Variants in ZNF639 observed in about 807,000 individuals in gnomAD.
ZNF639 encodes zinc finger protein 639.
In ZNF639, 20 loss-of-function variants were observed where a neutral mutation model predicts 39.8. The ratio of observed to expected loss-of-function variants is 0.50; its 90% CI spans 0.35 to 0.73. The LOEUF (loss-of-function observed/expected upper bound fraction) is 0.73. ZNF639 is among the 30% of genes least tolerant of loss of function. The pLI is 0.00. For synonymous variants in ZNF639, 176 were observed against 189.8 expected (o/e 0.93, Z 0.60); for missense variants, 477 against 566.2 (o/e 0.84, Z 1.60).
chr3:179,325,577 AAT>A (rs1031052106), intron 1 of ZNF639, among the ~76,000 whole-genome samples: 6 of 152,320 alleles, frequency 3.9e-5, no homozygotes, highest in African/African-American at 1.2e-4. Context: ...GATGAAATAG[AAT>A]AAGGGTTAGG....
rs1327914335 is a variant in ZNF639 at position 179,334,958 on chromosome 3, ACTAT to A, written c.*541_*544del. 2 of 152,246 alleles carry A rather than the reference ACTAT, an allele frequency of 1.3e-5. No individual in the cohort carries two copies. The highest frequency in any genetic ancestry group is 2.9e-5 in the Non-Finnish European group (2 of 68,060). The allele number at this position is 152,246 out of a possible 1,614,324, so 9.4% of individuals were successfully genotyped here. A position where few individuals can be genotyped will look rare whatever the true frequency, so the allele number is the denominator to read the frequency against. On this transcript the variant is annotated 3_prime_UTR_variant, in exon 6 of 6. Coordinates refer to ENST00000496856, the MANE Select transcript of ZNF639 (RefSeq NM_001303426.2). ...TTTTTTAAAAAAAAATTTTTGAGCC[ACTAT>A]CTATTGTTGAATATTTTAAGATGGG...
Position 179,334,126 on chromosome 3 carries a change from A to G in ZNF639, c.1162A>G (p.Asn388Asp), listed in dbSNP as rs761094140. ...TGGTTTTCGGAGTAGACTTCACACAAATGTTAACAGGCATGTTGCTATTGA... is the reference window on the plus strand; with the variant it reads ...TGGTTTTCGGAGTAGACTTCACACAGATGTTAACAGGCATGTTGCTATTGA... ...VCGFRSRLHT[N>D]VNRHVAIEHT... The change falls in exon 6 of 6, where the codon AAT (asparagine) becomes GAT (aspartate). Residue 388 changes from asparagine to aspartate, a missense_variant. Transcript: ENST00000496856. 6.2e-7 allele frequency: 1 copy of G among 1,614,108 alleles called. No individual in the cohort carries two copies. Among genetic ancestry groups the G allele is most frequent in the Non-Finnish European group, 8.5e-7 (1 of 1,179,972 alleles).
rs933842859 is a variant in ZNF639, at chr3:179,335,237, A to G, written c.*815A>G. ...CTCCTGCATAGCTAGGACTACAGGC[A>G]TGTGGCACCATGCCCGCTAAGTTTT... On this transcript the variant is annotated 3_prime_UTR_variant, in exon 6 of 6. Transcript: ENST00000496856. The G allele has an allele frequency of 1.3e-5, 2 of 152,240 alleles. No individual in the cohort carries two copies. Among genetic ancestry groups the G allele is most frequent in the African/African-American group, 4.8e-5 (2 of 41,456 alleles). 9.4% of individuals were successfully genotyped at this position (152,240 alleles called of 1,614,324 possible). A position where few individuals can be genotyped will look rare whatever the true frequency, so the allele number is the denominator to read the frequency against.
chr3:179,329,909 C>CT (rs71181282), intron 4 of ZNF639, 181 bp downstream of exon 4: 38,835 of 205,658 alleles, frequency 0.19, 5,472 homozygotes, highest in Admixed American at 0.23. Flanking sequence ...TTTAACTATT[C>CT]TTTTTTTTTT....
chr3:179,322,988 C>G, upstream of ZNF639: 1 of 985,212 alleles, frequency 1.0e-6, no homozygotes, highest in Non-Finnish European at 1.2e-6. Context: ...GCTCCCTGCC[C>G]CCACCTCACC....
At chr3:179,322,954 G>A (rs1306163422), upstream of ZNF639, 1 of 985,116 alleles carries the variant, frequency 1.0e-6, no homozygotes. Flanking sequence ...CCCAGGCCGC[G>A]TGTGCGGTGC....
chr3:179,336,299 T>C lies in ZNF639; in HGVS notation c.*1877T>C, dbSNP rs1711525213. 1 of 149,842 alleles carries C rather than the reference T, an allele frequency of 6.7e-6. No homozygotes were observed. Among genetic ancestry groups the C allele is most frequent in the African/African-American group, 2.5e-5 (1 of 40,418 alleles). 9.3% of individuals were successfully genotyped at this position (149,842 alleles called of 1,614,324 possible). A position where few individuals can be genotyped will look rare whatever the true frequency, so the allele number is the denominator to read the frequency against. ...TATAAAGAAGATAGAATTATATGTA[T>C]CATTGCCCTCAAATTTAACAAGCAC... On this transcript the variant is annotated 3_prime_UTR_variant, in exon 6 of 6. Coordinates refer to ENST00000496856, the MANE Select transcript of ZNF639 (RefSeq NM_001303426.2).
chr3:179,331,179 C>A (rs920449332), intron 4 of ZNF639, among the ~76,000 whole-genome samples: 2 of 152,168 alleles, frequency 1.3e-5, no homozygotes, highest in African/African-American at 4.8e-5. Context: ...CACACGTCAA[C>A]TTAAAGAGCT....
chr3:179,327,183 T>G (rs781445253), intron 1 of ZNF639, among the ~76,000 whole-genome samples: 1 of 152,000 alleles, frequency 6.6e-6, no homozygotes, highest in African/African-American at 2.4e-5. Context: ...AGAGCAAAAC[T>G]CGGTCTCAAA....
At chr3:179,323,473 C>G (rs924557225) in intron 1 of ZNF639, among the ~76,000 whole-genome samples, 182 bp downstream of exon 1, 1 of 152,206 alleles carries the variant, frequency 6.6e-6, no homozygotes, top group African/African-American at 2.4e-5. Flanking sequence ...AGTTCCACCC[C>G]CTGCGCAGGA....
rs1727376742 is a variant in ZNF639, at chr3:179,323,171, C to G, written c.-203C>G. The G allele has an allele frequency of 1.0e-6, 1 of 984,630 alleles. No individual in the cohort carries two copies. Among genetic ancestry groups the G allele is most frequent in the Non-Finnish European group, 1.2e-6 (1 of 829,722 alleles). The allele number at this position is 984,630 out of a possible 1,614,324, so 61.0% of individuals were successfully genotyped here. A position where few individuals can be genotyped will look rare whatever the true frequency, so the allele number is the denominator to read the frequency against. ...AGCACAGCGTCCGGGAGCGCTAGGG[C>G]CGGAGCAGCGCTGCCCGCCGCCGTG... On this transcript the variant is annotated 5_prime_UTR_variant, in exon 1 of 6. Transcript: ENST00000496856.
Position 179,335,719 on chromosome 3 carries a change from G to A in ZNF639, c.*1297G>A, listed in dbSNP as rs1342023511. 2 of 150,524 alleles carry A rather than the reference G, an allele frequency of 1.3e-5. No homozygotes were observed. The highest frequency in any genetic ancestry group is 2.9e-5 in the Non-Finnish European group (2 of 67,882). 9.3% of individuals were successfully genotyped at this position (150,524 alleles called of 1,614,324 possible). On this transcript the variant is annotated 3_prime_UTR_variant, in exon 6 of 6. Transcript: ENST00000496856. ...TCTGTCCTTGGCTTGTAGATGGATA[G>A]CCTCATGTTCACATGGTGTTCTCCC... is the stretch of plus-strand genomic sequence containing the variant.
Position 179,323,179 on chromosome 3 carries a change from G to T in ZNF639, c.-195G>T. On this transcript the variant is annotated 5_prime_UTR_variant, in exon 1 of 6. Transcript: ENST00000496856. Reference sequence around the variant, plus strand: ...GTCCGGGAGCGCTAGGGCCGGAGCAGCGCTGCCCGCCGCCGTGCGTCCGCG... The same window carrying T: ...GTCCGGGAGCGCTAGGGCCGGAGCATCGCTGCCCGCCGCCGTGCGTCCGCG... 1.0e-6 allele frequency: 1 copy of T among 984,680 alleles called. No individual in the cohort carries two copies. The highest frequency in any genetic ancestry group is 1.7e-5 in the African/African-American group (1 of 57,232). The allele number at this position is 984,680 out of a possible 1,614,324, so 61.0% of individuals were successfully genotyped here. A position where few individuals can be genotyped will look rare whatever the true frequency, so the allele number is the denominator to read the frequency against.
At chr3:179,323,398 C>A (rs1245554924) in intron 1 of ZNF639, 107 bp downstream of exon 1, 2 of 985,042 alleles carry the variant, frequency 2.0e-6, no homozygotes, top group Non-Finnish European at 2.4e-6. Flanking sequence ...CCGGAGCTCC[C>A]TTTATACGGA....
In ZNF639 at chr3:179,333,034, C is replaced by T. The variant is rs1330765443; in HGVS notation, c.215C>T (p.Ala72Val). 3.8e-6 allele frequency: 6 copies of T among 1,559,874 alleles called. No homozygotes were observed. Among genetic ancestry groups the T allele is most frequent in the Non-Finnish European group, 5.2e-6 (6 of 1,150,974 alleles). ...TETSNDLPKF[A>V]DGIKARNRNQ... Reference sequence around the variant, plus strand: ...ACGTCAAATGACTTGCCAAAATTTGCAGATGGAATCAAGGCCAGAAACAGA... The same window carrying T: ...ACGTCAAATGACTTGCCAAAATTTGTAGATGGAATCAAGGCCAGAAACAGA... The change falls in exon 5 of 6, where the codon GCA becomes GTA. Residue 72 changes from alanine (A) to valine (V), a missense_variant. By Grantham distance (64) the Ala-to-Val change is moderately conservative. Transcript: ENST00000496856.
intron 4 of ZNF639, among the ~76,000 whole-genome samples, chr3:179,331,765 A>T (rs6795997): frequency 0.24 from 33,718 of 141,868 alleles, 4,785 homozygotes; most frequent in African/African-American, 0.39. Context: ...ACAAGAGCGA[A>T]ACTCCATCTC....
At chr3:179,328,486 C>G in intron 3 of ZNF639, 135 bp downstream of exon 3, 1 of 546,712 alleles carries the variant, frequency 1.8e-6, no homozygotes, top group South Asian at 2.9e-5. Flanking sequence ...GGTTTAAATA[C>G]ATTATCTGAA....
At position 179,336,277 on chromosome 3, in the gene ZNF639, A is replaced by G. The variant is rs1369248556; in HGVS notation, c.*1855A>G. The G allele has an allele frequency of 6.6e-6, 1 of 152,232 alleles. No individual in the cohort carries two copies. The highest frequency in any genetic ancestry group is 2.4e-5 in the African/African-American group (1 of 41,450). The allele number at this position is 152,232 out of a possible 1,614,324, so 9.4% of individuals were successfully genotyped here. ...GTAGCAGAGTCTGAAACAGCACTAT[A>G]AAGAAGATAGAATTATATGTATCAT... On this transcript the variant is annotated 3_prime_UTR_variant, in exon 6 of 6. Transcript: ENST00000496856.
chr3:179,323,193 C>T lies in ZNF639; in HGVS notation c.-181C>T. On this transcript the variant is annotated 5_prime_UTR_variant, in exon 1 of 6. Transcript: ENST00000496856. ...GGGCCGGAGCAGCGCTGCCCGCCGC[C>T]GTGCGTCCGCGGGAAGGACCGCGCG... 4 of 984,876 alleles carry T rather than the reference C, an allele frequency of 4.1e-6. No homozygotes were observed. The highest frequency in any genetic ancestry group is 4.8e-6 in the Non-Finnish European group (4 of 829,800). 61.0% of individuals were successfully genotyped at this position (984,876 alleles called of 1,614,324 possible). A position where few individuals can be genotyped will look rare whatever the true frequency, so the allele number is the denominator to read the frequency against.
Sources: gnomAD v4.1 joint callset for allele counts (sites outside exome capture counted in the v4.1 genomes callset) on GRCh38, gnomAD v4.1.1 for gene constraint, MANE v1.5 for transcripts, NCBI Gene and HGNC (gene_info 2026-07-23, HGNC 2026-07-21) for gene names.